Variants in GTF2IRD1 observed in about 807,000 individuals in gnomAD.
The protein encoded by GTF2IRD1 is general transcription factor II-I repeat domain-containing protein 1.
In GTF2IRD1, 26 loss-of-function variants were observed where a neutral mutation model predicts 113.2. The ratio of observed to expected loss-of-function variants is 0.23; its 90% CI spans 0.17 to 0.32. GTF2IRD1 has a LOEUF of 0.32. Among genes scored for constraint, GTF2IRD1 ranks in the 10% least tolerant of loss-of-function variants. The probability of loss-of-function intolerance (pLI) is 1.00; values close to 1 mark genes in which losing one functional copy is unlikely to be tolerated. For missense variants in GTF2IRD1, 864 were observed against 1,280.8 expected (o/e 0.67, Z 4.97); for synonymous variants, 484 against 529.1 (o/e 0.91, Z 1.17).
intron 22 of GTF2IRD1, among the ~76,000 whole-genome samples, chr7:74,574,668 C>T (rs1267925853): frequency 6.6e-6 from 1 of 151,448 alleles, no homozygotes; most frequent in Non-Finnish European, 1.5e-5. Context: ...GCCATGTTTC[C>T]CAGGCTGGTC....
chr7:74,521,795 C>G (rs1179091336), intron 7 of GTF2IRD1, among the ~76,000 whole-genome samples: 2 of 152,036 alleles, frequency 1.3e-5, no homozygotes, highest in Non-Finnish European at 2.9e-5. Flanking sequence ...AATAAATAAC[C>G]CCAAAATGGA....
intron 12 of GTF2IRD1, 38 bp downstream of exon 12, chr7:74,538,211 C>G (rs113950522): frequency 1.9e-6 from 3 of 1,604,852 alleles, no homozygotes. Context: ...TGTGGTGGGC[C>G]GGGAGGGCAA....
chr7:74,482,195 G>A (rs1554334759), intron 1 of GTF2IRD1, among the ~76,000 whole-genome samples: 1 of 150,942 alleles, frequency 6.6e-6, no homozygotes, highest in African/African-American at 2.4e-5. Context: ...ATCTGACTGG[G>A]TGTCCCAATA....
Position 74,600,402 on chromosome 7 carries a change from G to T in GTF2IRD1, c.2630-642G>T, listed in dbSNP as rs139744834. On this transcript the variant is annotated intron_variant, in intron 25 of 26. Coordinates refer to ENST00000424337, the MANE Select transcript of GTF2IRD1 (RefSeq NM_005685.4). ...CCATGGCACTCCAGCCTGGGCAACA[G>T]AGTGAGACCCTAAAAAACAATATAG... Among the ~76,000 whole-genome samples, 42 of 152,208 alleles carry T rather than the reference G, an allele frequency of 2.8e-4. No individual in the cohort carries two copies. In the East Asian group the frequency reaches 7.7e-3, roughly 28 times the overall value.
chr7:74,464,667 C>T (rs1793599068), intron 1 of GTF2IRD1, among the ~76,000 whole-genome samples: 1 of 152,094 alleles, frequency 6.6e-6, no homozygotes, highest in Admixed American at 6.5e-5. Context: ...AGGCTGGTCT[C>T]GAACCCCTGA....
chr7:74,575,571 G>C (rs868936252), intron 22 of GTF2IRD1, among the ~76,000 whole-genome samples: 1 of 152,232 alleles, frequency 6.6e-6, no homozygotes, highest in African/African-American at 2.4e-5. Flanking sequence ...CGCCTGTGGC[G>C]GCAGTGGGGT....
chr7:74,550,080 C>T (rs1197322656), intron 17 of GTF2IRD1, among the ~76,000 whole-genome samples: 1 of 151,580 alleles, frequency 6.6e-6, no homozygotes, highest in Non-Finnish European at 1.5e-5. Context: ...CACCTGTAAT[C>T]CCAGCTACTC....
At chr7:74,543,045 C>T (rs1798716728) in intron 14 of GTF2IRD1, among the ~76,000 whole-genome samples, 1 of 151,166 alleles carries the variant, frequency 6.6e-6, no homozygotes, top group Non-Finnish European at 1.5e-5. Context: ...GTGGCTCACA[C>T]TTATAATCCC....
intron 1 of GTF2IRD1, among the ~76,000 whole-genome samples, chr7:74,481,059 C>G (rs1383037589): frequency 6.6e-6 from 1 of 152,206 alleles, no homozygotes. Flanking sequence ...CTGGACTGCC[C>G]CTTTGCCCCC....
At chr7:74,593,862 C>T (rs1485978112) in intron 24 of GTF2IRD1, among the ~76,000 whole-genome samples, 2 of 151,718 alleles carry the variant, frequency 1.3e-5, no homozygotes, top group African/African-American at 4.8e-5. Flanking sequence ...CAAGATTGCA[C>T]CACTGCACTC....
At chr7:74,543,872 CA>C (rs782039486) in intron 14 of GTF2IRD1, among the ~76,000 whole-genome samples, 1,910 of 34,564 alleles carry the variant, frequency 0.055, 6 homozygotes, top group Non-Finnish European at 0.076. Context: ...CCCATCTCTA[CA>C]AAAAAAAAAA....
At position 74,548,877 on chromosome 7, in the gene GTF2IRD1, C is replaced by T. The variant is rs1248742336; in HGVS notation, c.1916+1591C>T. Among the ~76,000 whole-genome samples the T allele has an allele frequency of 2.0e-5, 3 of 152,272 alleles. No homozygotes were observed. The East Asian group carries it at 5.8e-4, about 29-fold the overall frequency. On this transcript the variant is annotated intron_variant, in intron 17 of 26. Coordinates refer to ENST00000424337, the MANE Select transcript of GTF2IRD1 (RefSeq NM_005685.4). The stretch of plus-strand genomic sequence containing the variant: ...GAGCTATGATTGCACCACTGCACTC[C>T]AGCCTGGGTAACAGAGCAAGACTCT...
chr7:74,587,557 A>G (rs1179154207), intron 22 of GTF2IRD1, among the ~76,000 whole-genome samples: 2 of 152,022 alleles, frequency 1.3e-5, no homozygotes, highest in Non-Finnish European at 2.9e-5. Flanking sequence ...TCCACCCCAC[A>G]ACATCTCACC....
intron 22 of GTF2IRD1, among the ~76,000 whole-genome samples, chr7:74,563,821 G>A (rs1554359808): frequency 2.6e-5 from 4 of 152,006 alleles, no homozygotes; most frequent in Non-Finnish European, 1.5e-5. Context: ...AGGAGGTGGA[G>A]GTTGCAGTGA....
At chr7:74,493,189 A>G (rs556344537) in intron 1 of GTF2IRD1, among the ~76,000 whole-genome samples, 4 of 149,698 alleles carry the variant, frequency 2.7e-5, no homozygotes, top group Admixed American at 6.7e-5. Flanking sequence ...AGCTCACAGC[A>G]TCCTTGACCT....
intron 22 of GTF2IRD1, among the ~76,000 whole-genome samples, chr7:74,560,504 A>G (rs1799884183): frequency 3.4e-5 from 5 of 147,254 alleles, no homozygotes; most frequent in African/African-American, 1.2e-4. Context: ...AAAATATTAT[A>G]TATAATTAAA....
chr7:74,515,185 C>T (rs1300392369), intron 3 of GTF2IRD1, among the ~76,000 whole-genome samples: 1 of 152,082 alleles, frequency 6.6e-6, no homozygotes, highest in Admixed American at 6.5e-5. Flanking sequence ...AGGGACTAAC[C>T]CAAGGTCACA....
chr7:74,476,772 A>C (rs1307440013), intron 1 of GTF2IRD1, among the ~76,000 whole-genome samples: 1 of 152,034 alleles, frequency 6.6e-6, no homozygotes, highest in Non-Finnish European at 1.5e-5. Context: ...GGATGTGCCC[A>C]CGCCTGGTCA....
intron 1 of GTF2IRD1, among the ~76,000 whole-genome samples, chr7:74,456,848 G>A (rs1029631743): frequency 3.3e-5 from 5 of 151,984 alleles, no homozygotes; most frequent in Non-Finnish European, 5.9e-5. Flanking sequence ...GCCTGGCTAG[G>A]GTAGGGGGTC....
Sources: gnomAD v4.1 joint callset for allele counts (sites outside exome capture counted in the v4.1 genomes callset) on GRCh38, gnomAD v4.1.1 for gene constraint, MANE v1.5 for transcripts, NCBI Gene and HGNC (gene_info 2026-07-23, HGNC 2026-07-21) for gene names.